HDAC5: variants seen among roughly 807,000 people sequenced by gnomAD.
HDAC5 encodes the protein antigen NY-CO-9.
A neutral mutation model predicts 133.3 loss-of-function variants in HDAC5; 25 were observed. The observed-to-expected ratio is 0.19, with a 90% CI of 0.14 to 0.26. HDAC5 has a LOEUF of 0.26. Ranked by LOEUF, HDAC5 falls within the 10% of genes least tolerant of loss-of-function variation. HDAC5 has a pLI of 1.00. For missense variants in HDAC5, 1,041 were observed against 1,460.5 expected, an observed-to-expected ratio of 0.71 and a Z score of 4.68; for synonymous variants, 589 against 610.8, an observed-to-expected ratio of 0.96 and a Z score of 0.53.
intron 5 of HDAC5, 23 bp downstream of exon 5, chr17:44,093,291 G>A: frequency 6.3e-7 from 1 of 1,580,232 alleles, no homozygotes; most frequent in Non-Finnish European, 8.6e-7. Flanking sequence ...GGCCCTACGA[G>A]GTCCCAGGAG....
At chr17:44,123,402 G>C (rs2053134896) in intron 1 of HDAC5, 102 bp downstream of exon 1, 1 of 345,350 alleles carries the variant, frequency 2.9e-6, no homozygotes, top group South Asian at 1.4e-4. Context: ...AGCGCGGCGC[G>C]CGCGCTGGGA....
rs438096 is a variant in HDAC5, at chr17:44,093,430, C to T, written c.410G>A (p.Arg137Gln). Residue 137 changes from arginine to glutamine, a missense_variant, in exon 5 of 27, where the codon CGG (arginine) becomes CAG (glutamine). This residue lies in a region of HDAC5 where 109 missense variants were observed against 168.0 expected (regional missense o/e 0.65). Transcript: ENST00000682912. ...KQQQEMLAAK[R>Q]QQELEQQRQR... is the part of the protein sequence containing the mutation. ...CCGCTGCTGCTCCAGCTCCTGCTGCCGCTTGGCTGCCAGCATCTCCTGCTG... is the reference window on the plus strand; with the variant it reads ...CCGCTGCTGCTCCAGCTCCTGCTGCTGCTTGGCTGCCAGCATCTCCTGCTG... 1.3e-5 allele frequency: 21 copies of T among 1,602,484 alleles called. No individual in the cohort carries two copies. The highest frequency in any genetic ancestry group is 3.3e-4 in the Middle Eastern group (2 of 6,056).
chr17:44,111,697 A>G (rs2052358681), intron 2 of HDAC5: 1 of 515,858 alleles, frequency 1.9e-6, no homozygotes, highest in South Asian at 1.4e-5. Context: ...CACAGAGTTG[A>G]GAGGTGCCTC....
In HDAC5 at chr17:44,093,592, G is replaced by T. The variant is rs747125227; in HGVS notation, c.337C>A (p.Leu113Met). 1.9e-6 allele frequency: 3 copies of T among 1,609,564 alleles called. No individual in the cohort carries two copies. Among genetic ancestry groups the T allele is most frequent in the Non-Finnish European group, 2.5e-6 (3 of 1,177,704 alleles). The change falls in exon 4 of 27, where the codon CTG becomes ATG. Residue 113 changes from leucine (L) to methionine (M), a missense_variant. This residue lies in a region of HDAC5 where 109 missense variants were observed against 168.0 expected (regional missense o/e 0.65). Transcript: ENST00000682912. ...TCGCTCACCTTGAGGTGCTTCTGCA[G>T]CTGGACCTCATGCTGCCTTGTCAGG... ...DHLTRQHEVQ[L>M]QKHLKQQQEM...
intron 3 of HDAC5, 81 bp from the exon 4 acceptor site, chr17:44,093,915 C>G: frequency 7.0e-7 from 1 of 1,422,566 alleles, no homozygotes; most frequent in East Asian, 2.6e-5. Flanking sequence ...GGCTACCACG[C>G]AGGATTCTAG....
intron 3 of HDAC5, among the ~76,000 whole-genome samples, chr17:44,103,793 C>T (rs527350472): frequency 6.6e-6 from 1 of 152,030 alleles, no homozygotes; most frequent in South Asian, 2.1e-4. Context: ...ACTGCAATCC[C>T]TGCCTCCCAA....
rs1219848679 is a variant in HDAC5 at position 44,117,058 on chromosome 17, G to C, written c.22+436C>G. 6.6e-6 allele frequency among the ~76,000 whole-genome samples: 1 copy of C among 152,138 alleles called. No individual in the cohort carries two copies. The highest frequency in any genetic ancestry group is 2.4e-5 in the African/African-American group (1 of 41,416). ...TAAACCTCCACTAAGAAAAAAGTAT[G>C]GAACACAAACATTCCACTAAGTAAA... On this transcript the variant is annotated intron_variant, in intron 2 of 26. Coordinates refer to ENST00000682912, the MANE Select transcript of HDAC5 (RefSeq NM_005474.5). The surrounding 1 kb of genome is among the most constrained non-coding windows in gnomAD (Gnocchi z 4.2).
At chr17:44,111,497 C>T in intron 2 of HDAC5, 2 of 453,286 alleles carry the variant, frequency 4.4e-6, no homozygotes, top group East Asian at 6.7e-5. Flanking sequence ...CATCTGGGAG[C>T]GGCTCTGGCT....
intron 2 of HDAC5, chr17:44,111,482 C>T: frequency 2.3e-6 from 1 of 442,736 alleles, no homozygotes; most frequent in Non-Finnish European, 4.6e-6. Flanking sequence ...GCCAGGGTAC[C>T]CATGCATCTG....
rs748619065 is a variant in HDAC5, at chr17:44,087,448, CCCCTCCTCAGCACCACTCTCG to C, written c.1827_1847del (p.Glu610_Gly616del). 1 of 1,343,534 alleles carries C rather than the reference CCCCTCCTCAGCACCACTCTCG, an allele frequency of 7.4e-7. No individual in the cohort carries two copies. The highest frequency in any genetic ancestry group is 1.7e-5 in the Admixed American group (1 of 59,554). 83.2% of individuals were successfully genotyped at this position (1,343,534 alleles called of 1,614,324 possible). On this transcript the variant is annotated inframe_deletion, in exon 13 of 27. Coordinates refer to ENST00000682912, the MANE Select transcript of HDAC5 (RefSeq NM_005474.5). Reference sequence around the variant, plus strand: ...CAGCACCAGGCTCCTCCAAGTCGGGCCCCTCCTCAGCACCACTCTCGCCCTCCTCGTCCTTAACCTGGATGC... The same window carrying C: ...CAGCACCAGGCTCCTCCAAGTCGGGCCCCTCCTCGTCCTTAACCTGGATGC...
chr17:44,096,474 T>G (rs1001040679), intron 3 of HDAC5, among the ~76,000 whole-genome samples: 2 of 150,730 alleles, frequency 1.3e-5, no homozygotes, highest in Admixed American at 1.3e-4. Flanking sequence ...GGTTTTTTTT[T>G]GTTTTTTTTT....
chr17:44,104,136 C>T (rs927854866), intron 3 of HDAC5, among the ~76,000 whole-genome samples: 3 of 148,696 alleles, frequency 2.0e-5, no homozygotes, highest in Admixed American at 6.7e-5. Flanking sequence ...GCCTGGCCAA[C>T]GTGGTGAAAC....
intron 3 of HDAC5, among the ~76,000 whole-genome samples, chr17:44,099,538 G>A (rs529839326): frequency 9.9e-5 from 15 of 151,602 alleles, no homozygotes; most frequent in African/African-American, 2.9e-4. Context: ...GCAGTGGCGC[G>A]ATCTCGGCTC....
intron 2 of HDAC5, chr17:44,111,283 C>G (rs1244029071): frequency 3.3e-6 from 1 of 304,530 alleles, no homozygotes; most frequent in Non-Finnish European, 6.6e-6. Context: ...GGGGGAGGGC[C>G]CTGTCTATAA....
At chr17:44,099,225 G>A (rs956622132) in intron 3 of HDAC5, among the ~76,000 whole-genome samples, 2 of 152,174 alleles carry the variant, frequency 1.3e-5, no homozygotes, top group African/African-American at 4.8e-5. Context: ...TGGGAATCGA[G>A]AGGCCAGTAG....
intron 12 of HDAC5, among the ~76,000 whole-genome samples, chr17:44,088,039 G>T (rs773007703): frequency 6.6e-6 from 1 of 151,748 alleles, no homozygotes; most frequent in Non-Finnish European, 1.5e-5. Context: ...AGACGGTCTC[G>T]CTCTTCTCAC....
At chr17:44,082,693 C>G in intron 19 of HDAC5, 21 bp from the exon 20 acceptor site, 2 of 1,612,728 alleles carry the variant, frequency 1.2e-6, no homozygotes, top group Middle Eastern at 1.7e-4. Context: ...GAGAAAAGGG[C>G]AGGAGGTCAG....
At chr17:44,078,437 G>C in intron 26 of HDAC5, 22 bp from the exon 27 acceptor site, 1 of 1,554,282 alleles carries the variant, frequency 6.4e-7, no homozygotes, top group Non-Finnish European at 8.7e-7. Flanking sequence ...GCACAGGGGA[G>C]GGTATTGAGT....
At chr17:44,088,225 C>G (rs1206869926) in intron 12 of HDAC5, among the ~76,000 whole-genome samples, 162 bp downstream of exon 12, 1 of 152,178 alleles carries the variant, frequency 6.6e-6, no homozygotes, top group Non-Finnish European at 1.5e-5. Flanking sequence ...GTTGGCCAGG[C>G]TGGTCTCGAA....
Sources: gnomAD v4.1 joint callset for allele counts (sites outside exome capture counted in the v4.1 genomes callset) on GRCh38, gnomAD v4.1.1 for gene constraint, gnomAD v4.1.1 regional missense constraint, Gnocchi (gnomAD v3.1) non-coding constraint, MANE v1.5 for transcripts, NCBI Gene and HGNC (gene_info 2026-07-23, HGNC 2026-07-21) for gene names.